The following NRXN3 variants were observed in gnomAD, a reference collection of about 807,000 sequenced individuals.
NRXN3 encodes neurexin III.
A neutral mutation model predicts 137.6 loss-of-function variants in NRXN3; 32 were observed. The observed-to-expected ratio is 0.23, with a 90% confidence interval of 0.18 to 0.31. The LOEUF (loss-of-function observed/expected upper bound fraction) is 0.31. Ranked by LOEUF, NRXN3 falls within the 10% of genes least tolerant of loss-of-function variation. The pLI, the probability that NRXN3 is intolerant of heterozygous loss-of-function variation, is 1.00. For synonymous variants in NRXN3, 798 were observed against 784.5 expected (o/e 1.02, Z -0.29); for missense variants, 1,574 against 2,062.5 (o/e 0.76, Z 4.59).
At chr14:79,341,968 C>T (rs1598913614) in intron 15 of NRXN3, among the ~76,000 whole-genome samples, 1 of 152,170 alleles carries the variant, frequency 6.6e-6, no homozygotes, top group Non-Finnish European at 1.5e-5. Context: ...CGTTAGCATA[C>T]GAGGCTCCCC....
intron 14 of NRXN3, among the ~76,000 whole-genome samples, chr14:78,978,351 T>C (rs2099476654): frequency 6.6e-6 from 1 of 152,174 alleles, no homozygotes; most frequent in South Asian, 2.1e-4. Context: ...TTCTCTGGCA[T>C]TGCCTTATGT....
intron 10 of NRXN3, among the ~76,000 whole-genome samples, chr14:78,938,883 C>T (rs2099347379): frequency 7.5e-6 from 1 of 132,458 alleles, no homozygotes; most frequent in Non-Finnish European, 1.5e-5. Context: ...GTCTCGCTGT[C>T]GCCCAGGCTG....
intron 15 of NRXN3, among the ~76,000 whole-genome samples, chr14:79,030,879 C>G (rs1229137521): frequency 3.3e-5 from 5 of 151,766 alleles, no homozygotes; most frequent in African/African-American, 1.2e-4. Flanking sequence ...GTTTCTGGGT[C>G]TTTTTTCGTG....
chr14:78,457,662 A>T (rs979628338), intron 4 of NRXN3, among the ~76,000 whole-genome samples: 1 of 152,224 alleles, frequency 6.6e-6, no homozygotes, highest in African/African-American at 2.4e-5. Context: ...TTGCAAGCTA[A>T]CAAGTTAATC....
intron 15 of NRXN3, among the ~76,000 whole-genome samples, chr14:79,388,951 C>T (rs966703479): frequency 5.3e-5 from 8 of 152,168 alleles, no homozygotes; most frequent in Non-Finnish European, 1.2e-4. Flanking sequence ...TTGCCTGCAA[C>T]CACGTAGGTT....
chr14:79,267,250 CTT>C (rs1420596822), intron 15 of NRXN3, among the ~76,000 whole-genome samples: 14 of 152,114 alleles, frequency 9.2e-5, no homozygotes, highest in African/African-American at 3.4e-4. Context: ...TTAATATTCT[CTT>C]ATATACAGGT....
intron 15 of NRXN3, among the ~76,000 whole-genome samples, chr14:79,173,284 C>G (rs2153100145): frequency 6.6e-6 from 1 of 152,094 alleles, no homozygotes; most frequent in South Asian, 2.1e-4. Flanking sequence ...AATCTCAGCA[C>G]TTTGTAAGGC....
intron 15 of NRXN3, among the ~76,000 whole-genome samples, chr14:79,353,068 T>C (rs1429617634): frequency 1.3e-5 from 2 of 152,106 alleles, no homozygotes; most frequent in East Asian, 1.9e-4. Flanking sequence ...TGTTTTTTGG[T>C]AAGTAGTAAG....
rs188199632 is a variant in NRXN3 at position 78,515,500 on chromosome 14, G to A, written c.758-129620G>A. On this transcript the variant is annotated intron_variant, in intron 4 of 20. Coordinates refer to ENST00000335750, the MANE Select transcript of NRXN3 (RefSeq NM_001330195.2). ...GATACTCCCTCCTGCCTAGGAAGTGGCCTATGAAAAAGCAGTTTAAATAAT... is the reference window on the plus strand; with the variant it reads ...GATACTCCCTCCTGCCTAGGAAGTGACCTATGAAAAAGCAGTTTAAATAAT... Among the ~76,000 whole-genome samples the A allele has an allele frequency of 6.7e-3, 1,017 of 152,204 alleles. 8 individuals are homozygous for A. The highest frequency in any genetic ancestry group is 0.012 in the Non-Finnish European group (805 of 67,984).
chr14:78,740,547 T>TC (rs1369338125), intron 8 of NRXN3, among the ~76,000 whole-genome samples: 1 of 150,374 alleles, frequency 6.7e-6, no homozygotes. Context: ...TTCTTTTCTT[T>TC]TTTTTTTTTT....
intron 19 of NRXN3, among the ~76,000 whole-genome samples, chr14:79,790,329 C>CT (rs34130780): frequency 2.0e-5 from 3 of 151,052 alleles, no homozygotes; most frequent in African/African-American, 7.3e-5. Context: ...AGGCGCCACC[C>CT]TTTTTTTTAT....
At chr14:79,789,670 C>T (rs182554692) in intron 19 of NRXN3, among the ~76,000 whole-genome samples, 24 of 152,234 alleles carry the variant, frequency 1.6e-4, no homozygotes, top group East Asian at 1.4e-3. Context: ...ACTGTTATGT[C>T]GCTAATGAGA....
intron 10 of NRXN3, among the ~76,000 whole-genome samples, chr14:78,860,997 A>G (rs997159533): frequency 6.6e-6 from 1 of 152,122 alleles, no homozygotes. Context: ...CATCACTGCC[A>G]TTACCGTATT....
intron 8 of NRXN3, among the ~76,000 whole-genome samples, chr14:78,732,012 A>T (rs1286398101): frequency 1.3e-5 from 2 of 152,348 alleles, no homozygotes; most frequent in Admixed American, 6.5e-5. Flanking sequence ...GGCTGGAAAT[A>T]GCTGCAAGTT....
chr14:79,309,322 A>G (rs1393427777), intron 15 of NRXN3, among the ~76,000 whole-genome samples: 1 of 9,186 alleles, frequency 1.1e-4, no homozygotes, highest in African/African-American at 5.3e-4. Context: ...TTCTTAATCC[A>G]GTCTATCATT....
chr14:79,332,428 G>A (rs2091830270), intron 15 of NRXN3, among the ~76,000 whole-genome samples: 1 of 152,092 alleles, frequency 6.6e-6, no homozygotes, highest in South Asian at 2.1e-4. Flanking sequence ...TACGTCCTGC[G>A]CTGTCGAGCT....
chr14:79,160,489 C>G (rs777158487), intron 15 of NRXN3, among the ~76,000 whole-genome samples: 2 of 151,934 alleles, frequency 1.3e-5, no homozygotes, highest in Non-Finnish European at 2.9e-5. Flanking sequence ...CACATTCTCT[C>G]ACTCTGAAAT....
intron 4 of NRXN3, among the ~76,000 whole-genome samples, chr14:78,355,940 G>A (rs1295292614): frequency 6.6e-6 from 1 of 152,200 alleles, no homozygotes; most frequent in Non-Finnish European, 1.5e-5. Context: ...GTAGCATTCA[G>A]GTTTGTTCCA....
chr14:79,765,371 T>C (rs1239332796), intron 19 of NRXN3, among the ~76,000 whole-genome samples: 1 of 152,214 alleles, frequency 6.6e-6, no homozygotes, highest in African/African-American at 2.4e-5. Context: ...CCCAGTTCTC[T>C]TTCAATGGAA....
Sources: gnomAD v4.1 joint callset for allele counts (sites outside exome capture counted in the v4.1 genomes callset) on GRCh38, gnomAD v4.1.1 for gene constraint, MANE v1.5 for transcripts, NCBI Gene and HGNC (gene_info 2026-07-23, HGNC 2026-07-21) for gene names.